Variants in SRPK1 observed in about 807,000 individuals in gnomAD.
SRPK1 encodes the protein SFRS protein kinase 1.
In SRPK1, 52 loss-of-function variants were observed where a neutral mutation model predicts 89.5. The observed-to-expected ratio is 0.58, with a 90% CI of 0.46 to 0.73. The LOEUF (loss-of-function observed/expected upper bound fraction) is 0.73. Among genes scored for constraint, SRPK1 ranks in the 30% least tolerant of loss-of-function variants. The pLI is 0.00. For synonymous variants in SRPK1, 255 were observed against 270.2 expected (o/e 0.94, Z 0.55); for missense variants, 603 against 780.6 (o/e 0.77, Z 2.71).
chr6:35,873,516 G>A (rs551636157), intron 7 of SRPK1, among the ~76,000 whole-genome samples: 32 of 150,824 alleles, frequency 2.1e-4, no homozygotes, highest in Middle Eastern at 3.4e-3. Flanking sequence ...TTGAGATGGA[G>A]TCTTGCTCTG....
intron 6 of SRPK1, among the ~76,000 whole-genome samples, chr6:35,882,224 T>C (rs1182321845): frequency 7.9e-5 from 12 of 151,456 alleles, no homozygotes; most frequent in East Asian, 1.9e-4. Flanking sequence ...TTTGGTGAGA[T>C]TGAAACACTG....
At chr6:35,898,374 TG>T (rs918154350) in intron 2 of SRPK1, among the ~76,000 whole-genome samples, 5 of 152,098 alleles carry the variant, frequency 3.3e-5, no homozygotes, top group Admixed American at 3.3e-4. Flanking sequence ...GACTTAAGGT[TG>T]GGGAGAAGAT....
intron 12 of SRPK1, among the ~76,000 whole-genome samples, chr6:35,861,746 A>G (rs1291418305): frequency 6.6e-6 from 1 of 152,218 alleles, no homozygotes; most frequent in Non-Finnish European, 1.5e-5. Context: ...GAGGGACAGG[A>G]AAACCAGGCT....
At chr6:35,845,651 A>C (rs376048610) in intron 13 of SRPK1, among the ~76,000 whole-genome samples, 154 of 152,368 alleles carry the variant, frequency 1.0e-3, no homozygotes, top group African/African-American at 3.6e-3. Flanking sequence ...CTAGCATTTC[A>C]TAAGCAATAT....
rs752404523 is a variant in SRPK1 at position 35,888,895 on chromosome 6, A to C, written c.222T>G (p.Asp74Glu). The C allele has an allele frequency of 4.5e-5, 72 of 1,612,926 alleles. No homozygotes were observed. Among genetic ancestry groups the C allele is most frequent in the African/African-American group, 8.0e-5 (6 of 74,932 alleles). Residue 74 changes from aspartate to glutamate, a missense_variant, in exon 4 of 16, where the codon GAT (aspartate) becomes GAG (glutamate). Asp to Glu is a conservative substitution (Grantham distance 45, BLOSUM62 2). Coordinates refer to ENST00000373825, the MANE Select transcript of SRPK1 (RefSeq NM_003137.5). ...KGGYHLVKIGDLFNGRYHVIR... is the reference protein window; with the variant it reads ...KGGYHLVKIGELFNGRYHVIR... ...TCACATGGTATCTCCCATTGAATAG[A>C]TCTCCAATTTTCACAAGATGATAAC...
intron 6 of SRPK1, among the ~76,000 whole-genome samples, chr6:35,882,118 CTAG>C (rs59881690): frequency 0.64 from 89,493 of 139,872 alleles, 29,874 homozygotes; most frequent in Non-Finnish European, 0.75. Context: ...AGTAGTAGTA[CTAG>C]TAGTAGTAGT....
At chr6:35,898,693 T>C (rs1161989792) in intron 2 of SRPK1, among the ~76,000 whole-genome samples, 1 of 151,986 alleles carries the variant, frequency 6.6e-6, no homozygotes, top group African/African-American at 2.4e-5. Context: ...GATCATGACA[T>C]TGCACTCCAG....
At chr6:35,869,177 G>C in intron 11 of SRPK1, 67 bp from the exon 12 acceptor site, 1 of 1,320,380 alleles carries the variant, frequency 7.6e-7, no homozygotes, top group South Asian at 1.3e-5. Context: ...GAGTAATAAA[G>C]CTCTCCAAGG....
At chr6:35,844,427 A>G (rs1769385139) in intron 13 of SRPK1, among the ~76,000 whole-genome samples, 1 of 152,204 alleles carries the variant, frequency 6.6e-6, no homozygotes, top group Non-Finnish European at 1.5e-5. Context: ...AGAACTGTAG[A>G]GTCCAGGACT....
At chr6:35,906,664 C>T (rs1281555841) in intron 2 of SRPK1, among the ~76,000 whole-genome samples, 1 of 152,150 alleles carries the variant, frequency 6.6e-6, no homozygotes, top group Non-Finnish European at 1.5e-5. Context: ...GAGGCAGTGT[C>T]GGGAGTCAAG....
chr6:35,905,386 A>T (rs1410049789), intron 2 of SRPK1, among the ~76,000 whole-genome samples: 1 of 152,218 alleles, frequency 6.6e-6, no homozygotes, highest in Non-Finnish European at 1.5e-5. Context: ...AGTATGCTTC[A>T]TAAGCCATAT....
intron 15 of SRPK1, among the ~76,000 whole-genome samples, chr6:35,835,729 T>G (rs1769164730): frequency 6.6e-6 from 1 of 152,178 alleles, no homozygotes; most frequent in African/African-American, 2.4e-5. Context: ...TCTAGGATTT[T>G]TTTGGTCCCA....
chr6:35,838,916 T>C, intron 14 of SRPK1: 3 of 1,100,314 alleles, frequency 2.7e-6, no homozygotes, highest in South Asian at 2.9e-5. Context: ...CCAAGGATAC[T>C]GAAGGAAGAC....
chr6:35,850,537 C>T (rs1191877222), intron 13 of SRPK1, among the ~76,000 whole-genome samples: 1 of 152,162 alleles, frequency 6.6e-6, no homozygotes, highest in Non-Finnish European at 1.5e-5. Context: ...ATACATTCTA[C>T]CACTCACTTC....
intron 6 of SRPK1, among the ~76,000 whole-genome samples, chr6:35,875,972 A>G (rs1770147217): frequency 6.6e-6 from 1 of 152,002 alleles, no homozygotes; most frequent in Admixed American, 6.6e-5. Flanking sequence ...TTCTAATGCA[A>G]TAATCCATGT....
Position 35,921,060 on chromosome 6 carries a change from G to A in SRPK1, c.-4C>T, listed in dbSNP as rs982205264. Reference sequence around the variant, plus strand: ...ACCGCTCACCTTTCCGCTCCATGGTGAGACCGGTAATCGCCAGGCGCCTGC... The same window carrying A: ...ACCGCTCACCTTTCCGCTCCATGGTAAGACCGGTAATCGCCAGGCGCCTGC... On this transcript the variant is annotated 5_prime_UTR_variant, in exon 1 of 16. Coordinates refer to ENST00000373825, the MANE Select transcript of SRPK1 (RefSeq NM_003137.5). 7 of 1,536,086 alleles carry A rather than the reference G, an allele frequency of 4.6e-6. No individual in the cohort carries two copies. Among genetic ancestry groups the A allele is most frequent in the Non-Finnish European group, 6.1e-6 (7 of 1,142,890 alleles).
At chr6:35,920,976 C>G in intron 1 of SRPK1, 68 bp downstream of exon 1, 1 of 1,505,796 alleles carries the variant, frequency 6.6e-7, no homozygotes, top group Non-Finnish European at 8.9e-7. Flanking sequence ...AGCGAAGCTC[C>G]CGGCGCTGAC....
intron 10 of SRPK1, 109 bp downstream of exon 10, chr6:35,870,155 GATCCATATTCTTATAAA>G: frequency 1.1e-6 from 1 of 903,718 alleles, no homozygotes; most frequent in Non-Finnish European, 1.6e-6. Context: ...TTTATGACAA[GATCCATATTCTTATAAA>G]GATACCCCCA....
rs1229686344 is a variant in SRPK1 at position 35,860,924 on chromosome 6, G to A, written c.1513-3556C>T. Among the ~76,000 whole-genome samples, 6 of 152,250 alleles carry A rather than the reference G, an allele frequency of 3.9e-5. No individual in the cohort carries two copies. The East Asian group carries it at 7.7e-4, about 20-fold the overall frequency. Reference sequence around the variant, plus strand: ...CTTAAAGAAATTGAAGGAGTTGTACGTGAAGAGGATTCCAAGCAGAAGGAA... The same window carrying A: ...CTTAAAGAAATTGAAGGAGTTGTACATGAAGAGGATTCCAAGCAGAAGGAA... On this transcript the variant is annotated intron_variant, in intron 12 of 15. Transcript: ENST00000373825.
Sources: gnomAD v4.1 joint callset for allele counts (sites outside exome capture counted in the v4.1 genomes callset) on GRCh38, gnomAD v4.1.1 for gene constraint, MANE v1.5 for transcripts, NCBI Gene and HGNC (gene_info 2026-07-23, HGNC 2026-07-21) for gene names.